The following TANK variants were observed in gnomAD, a reference collection of about 807,000 sequenced individuals.
TANK encodes TRAF family member-associated NF-kappa-B activator.
TANK carries 15 observed loss-of-function variants against 43.6 expected under a neutral mutation model. That is an observed-to-expected ratio of 0.34 (90% CI 0.23 to 0.53). The LOEUF (loss-of-function observed/expected upper bound fraction) is 0.53, where lower values mean the gene tolerates loss of function less well. TANK is among the 20% of genes least tolerant of loss of function. TANK has a pLI of 0.94. For synonymous variants in TANK, 162 were observed against 178.2 expected (o/e 0.91, Z 0.73); for missense variants, 417 against 498.6 (o/e 0.84, Z 1.56).
intron 1 of TANK, among the ~76,000 whole-genome samples, chr2:161,153,831 C>G (rs895987529): frequency 6.6e-6 from 1 of 152,058 alleles, no homozygotes; most frequent in Non-Finnish European, 1.5e-5. Flanking sequence ...CAAGTACACT[C>G]GACCTTTGAC....
rs569542738 is a variant in TANK, at chr2:161,208,047, C to T, written c.327+3254C>T. 387 of 764,808 alleles carry T rather than the reference C, an allele frequency of 5.1e-4. 3 individuals carry two copies. In the South Asian group the frequency reaches 9.0e-3, roughly 18 times the overall value. The allele number at this position is 764,808 out of a possible 1,614,324, so 47.4% of individuals were successfully genotyped here. ...AACAGAAGGAAGCCACTACGAGCCA[C>T]CCACAGTGCTTTCCTCCTTCTGTTT... On this transcript the variant is annotated intron_variant, in intron 4 of 7. Transcript: ENST00000392749.
chr2:161,208,762 G>GCTAA (rs1686756243), intron 4 of TANK, among the ~76,000 whole-genome samples: 2 of 152,160 alleles, frequency 1.3e-5, no homozygotes, highest in South Asian at 4.1e-4. Flanking sequence ...CAAACTGATA[G>GCTAA]CTAACTTCAC....
At chr2:161,234,559 A>G (rs1466163888) in intron 7 of TANK, among the ~76,000 whole-genome samples, 2 of 152,206 alleles carry the variant, frequency 1.3e-5, no homozygotes, top group Admixed American at 1.3e-4. Context: ...ATGAAAGGGT[A>G]TTTATGTGCT....
At chr2:161,209,379 T>A (rs1359041033) in intron 4 of TANK, among the ~76,000 whole-genome samples, 1 of 152,216 alleles carries the variant, frequency 6.6e-6, no homozygotes, top group Admixed American at 6.5e-5. Context: ...TATGTCCATG[T>A]TAGCAGTTAC....
At chr2:161,207,786 A>G (rs1367274948) in intron 4 of TANK, 2 of 985,258 alleles carry the variant, frequency 2.0e-6, no homozygotes, top group African/African-American at 3.5e-5. Context: ...CTTCTTCCAC[A>G]ATGAAAAAAA....
chr2:161,214,934 C>T (rs1365624958), intron 4 of TANK, among the ~76,000 whole-genome samples: 5 of 152,202 alleles, frequency 3.3e-5, no homozygotes, highest in Non-Finnish European at 7.3e-5. Flanking sequence ...GCATATTGAG[C>T]TTGGGGAACC....
rs928153292 is a variant in TANK, at chr2:161,209,132, T to C, written c.327+4339T>C. Among the ~76,000 whole-genome samples, 3 of 152,194 alleles carry C rather than the reference T, an allele frequency of 2.0e-5. No homozygotes were observed. The South Asian group carries it at 6.2e-4, about 31-fold the overall frequency. On this transcript the variant is annotated intron_variant, in intron 4 of 7. Transcript: ENST00000392749. ...TTATTAATCCTAAAGGGAAAAAATA[T>C]CATAGCCTGTCATCTGAAGAACAAT...
chr2:161,202,164 A>G (rs1040925935), intron 2 of TANK, among the ~76,000 whole-genome samples: 4 of 140,202 alleles, frequency 2.9e-5, no homozygotes, highest in African/African-American at 1.0e-4. Flanking sequence ...GGGAAAATGT[A>G]GTATTTAGCT....
At chr2:161,209,957 G>A (rs1280188890) in intron 4 of TANK, among the ~76,000 whole-genome samples, 1 of 152,166 alleles carries the variant, frequency 6.6e-6, no homozygotes, top group Admixed American at 6.5e-5. Context: ...TAGAGTTTAT[G>A]TGTTCTCATG....
intron 6 of TANK, among the ~76,000 whole-genome samples, chr2:161,228,988 A>G (rs1264290223): frequency 6.6e-6 from 1 of 152,234 alleles, no homozygotes; most frequent in Non-Finnish European, 1.5e-5. Flanking sequence ...CACAATGACA[A>G]AATTGCCTAA....
intron 1 of TANK, among the ~76,000 whole-genome samples, chr2:161,168,534 G>C (rs1253721090): frequency 2.0e-5 from 3 of 151,938 alleles, no homozygotes; most frequent in African/African-American, 7.3e-5. Context: ...TTTTCAAAGA[G>C]AAAAAAATCG....
chr2:161,147,233 C>G (rs983971630), intron 1 of TANK, among the ~76,000 whole-genome samples: 1 of 152,190 alleles, frequency 6.6e-6, no homozygotes, highest in Non-Finnish European at 1.5e-5. Context: ...TCCCTTCCCC[C>G]ACCCTGGGAA....
At chr2:161,158,272 G>A (rs1684277253), upstream of TANK, among the ~76,000 whole-genome samples, 1 of 152,084 alleles carries the variant, frequency 6.6e-6, no homozygotes, top group African/African-American at 2.4e-5. Context: ...AAGGAAAATT[G>A]GAATAAAATT....
At chr2:161,151,804 G>A (rs1684088914) in intron 1 of TANK, among the ~76,000 whole-genome samples, 1 of 152,020 alleles carries the variant, frequency 6.6e-6, no homozygotes, top group Non-Finnish European at 1.5e-5. Context: ...TCTTACGGCT[G>A]CCATTTTGCT....
upstream of TANK, chr2:161,156,381 T>C (rs139959356): frequency 2.0e-6 from 2 of 984,924 alleles, no homozygotes; most frequent in Non-Finnish European, 2.4e-6. Flanking sequence ...TATTTCACCT[T>C]GTCTCTAGTT....
intron 1 of TANK, among the ~76,000 whole-genome samples, chr2:161,176,894 C>T (rs539187607): frequency 7.9e-5 from 12 of 152,182 alleles, no homozygotes; most frequent in South Asian, 6.2e-4. Flanking sequence ...ATAGCTTAGC[C>T]GCTTAGCTAC....
At chr2:161,138,575 G>A (rs922366910) in intron 1 of TANK, among the ~76,000 whole-genome samples, 5 of 152,098 alleles carry the variant, frequency 3.3e-5, no homozygotes, top group African/African-American at 1.2e-4. Flanking sequence ...ACTTCCACAT[G>A]CATACAGGTG....
At chr2:161,217,203 GA>G (rs2105370407) in intron 4 of TANK, among the ~76,000 whole-genome samples, 1 of 152,302 alleles carries the variant, frequency 6.6e-6, no homozygotes, top group African/African-American at 2.4e-5. Context: ...CTCCTATGGA[GA>G]GGGGCAGCTC....
At chr2:161,207,607 T>C (rs1265267955) in intron 4 of TANK, 1 of 985,252 alleles carries the variant, frequency 1.0e-6, no homozygotes, top group East Asian at 1.1e-4. Context: ...GTGCTTAGTG[T>C]AAAAAATTAG....
Sources: allele counts gnomAD v4.1 joint callset (sites outside exome capture counted in the v4.1 genomes callset), GRCh38; gene constraint gnomAD v4.1.1; transcripts MANE v1.5; gene names NCBI Gene and HGNC (gene_info 2026-07-23, HGNC 2026-07-21).